Variants in EXOSC3 observed in about 807,000 individuals in gnomAD.
The protein encoded by EXOSC3 is exosome complex component RRP40.
EXOSC3 carries 18 observed loss-of-function variants against 25.1 expected under a neutral mutation model. That is an observed-to-expected ratio of 0.72 (90% confidence interval 0.50 to 1.06). The LOEUF is 1.06. EXOSC3 is among the 50% of genes least tolerant of loss of function. The pLI is 0.00. For missense variants in EXOSC3, 382 were observed against 350.9 expected (o/e 1.09, Z -0.71); for synonymous variants, 165 against 132.2 (o/e 1.25, Z -1.70).
At position 37,782,167 on chromosome 9, in the gene EXOSC3, C is replaced by T. The variant is rs945341886; in HGVS notation, c.475-30G>A. 5.0e-6 allele frequency: 8 copies of T among 1,611,716 alleles called. No individual in the cohort carries two copies. In the Admixed American group the frequency reaches 1.0e-4, roughly 20 times the overall value. ...AATGATATTAAAAACCAGTTCATTT[C>T]CTCTCAGCAAACTACAGGTGCTACT... On this transcript the variant is annotated intron_variant, in intron 2 of 3. Coordinates refer to ENST00000327304, the MANE Select transcript of EXOSC3 (RefSeq NM_016042.4).
chr9:37,782,204 C>G (rs1164429855), intron 2 of EXOSC3, 67 bp from the exon 3 acceptor site: 4 of 1,560,106 alleles, frequency 2.6e-6, no homozygotes, highest in Non-Finnish European at 3.5e-6. Flanking sequence ...TTGGTTCTTT[C>G]TCACAGGCAT....
rs28369461 is a variant in EXOSC3, at chr9:37,783,619, T to C, written c.474+295A>G. Among the ~76,000 whole-genome samples the C allele has an allele frequency of 0.022, 3,392 of 152,236 alleles. 122 individuals carry two copies. The highest frequency in any genetic ancestry group is 0.077 in the African/African-American group (3,208 of 41,518). On this transcript the variant is annotated intron_variant, in intron 2 of 3. Transcript: ENST00000327304. ...AGCAGACATCCTTGTCCAGAGGATA[T>C]GGACATAACAAATAATGGCGATGAT...
rs754877763 is a variant in EXOSC3, at chr9:37,785,036, T to C, written c.9A>G (p.Glu3=). 6 of 1,597,188 alleles carry C rather than the reference T, an allele frequency of 3.8e-6. No homozygotes were observed. The highest frequency in any genetic ancestry group is 1.1e-5 in the South Asian group (1 of 90,494). The change falls in exon 1 of 4, where the codon GAA becomes GAG. Residue 3 remains glutamate (E), a synonymous_variant. Coordinates refer to ENST00000327304, the MANE Select transcript of EXOSC3 (RefSeq NM_016042.4). The stretch of plus-strand genomic sequence containing the variant: ...GAGATTCAGCCGCGACAGACGCAGG[T>C]TCGGCCATCGCGGGCTCCACCAAAC... MA[E]PASVAAESLA... is the part of the protein sequence containing the mutation.
intron 2 of EXOSC3, among the ~76,000 whole-genome samples, 179 bp from the exon 3 acceptor site, chr9:37,782,316 G>A (rs1033554309): frequency 6.6e-6 from 1 of 152,204 alleles, no homozygotes; most frequent in African/African-American, 2.4e-5. Context: ...AGGAACACAT[G>A]TATCATTCCC....
intron 1 of EXOSC3, 199 bp from the exon 2 acceptor site, chr9:37,784,262 T>C (rs1310591446): frequency 3.5e-6 from 2 of 566,038 alleles, no homozygotes; most frequent in African/African-American, 1.9e-5. Context: ...CCAAACTCCA[T>C]TATCTCTTAG....
chr9:37,783,864 T>G (rs373502396), intron 2 of EXOSC3, 50 bp downstream of exon 2: 1 of 1,587,806 alleles, frequency 6.3e-7, no homozygotes, highest in Non-Finnish European at 8.6e-7. Flanking sequence ...ATGTGAGTGT[T>G]CTAGGGAATG....
chr9:37,780,952 T>G, intron 3 of EXOSC3, 72 bp from the exon 4 acceptor site: 2 of 1,329,604 alleles, frequency 1.5e-6, no homozygotes, highest in Non-Finnish European at 2.1e-6. Flanking sequence ...CTTTAGAATG[T>G]GATTCCTTTT....
intron 3 of EXOSC3, 133 bp downstream of exon 3, chr9:37,781,853 T>G (rs1564014162): frequency 1.0e-6 from 1 of 968,478 alleles, no homozygotes; most frequent in South Asian, 1.7e-5. Context: ...CCAAATGTGT[T>G]AAAATGGATA....
At position 37,785,024 on chromosome 9, in the gene EXOSC3, G is replaced by C. The variant is rs748194453; in HGVS notation, c.21C>G (p.Val7=). MAEPAS[V]AAESLAGSRA... ...TGCTGCCCGCGAGAGATTCAGCCGC[G>C]ACAGACGCAGGTTCGGCCATCGCGG... Residue 7 remains valine, a synonymous_variant, in exon 1 of 4, where the codon GTC becomes GTG. Coordinates refer to ENST00000327304, the MANE Select transcript of EXOSC3 (RefSeq NM_016042.4). 4 of 1,600,564 alleles carry C rather than the reference G, an allele frequency of 2.5e-6. No homozygotes were observed. Among genetic ancestry groups the C allele is most frequent in the Non-Finnish European group, 3.4e-6 (4 of 1,171,786 alleles).
rs1182643567 is a variant in EXOSC3 at position 37,784,053 on chromosome 9, A to T, written c.335T>A (p.Val112Glu). 1 of 1,608,032 alleles carries T rather than the reference A, an allele frequency of 6.2e-7. No homozygotes were observed. The highest frequency in any genetic ancestry group is 1.3e-5 in the African/African-American group (1 of 74,522). ...TATGCCAATCACATGGTCTCCTTTT[A>T]CTGGAACATACTACAAAAAGAAACA... The part of the protein sequence containing the change: ...VDSQQKRYVP[V>E]KGDHVIGIVT... Residue 112 changes from valine to glutamate, a missense_variant, in exon 2 of 4, where the codon GTA becomes GAA. Val to Glu is a moderately radical substitution (Grantham distance 121). Transcript: ENST00000327304.
At position 37,784,859 on chromosome 9, in the gene EXOSC3, C is replaced by G; in HGVS notation, c.186G>C (p.Arg62=). ...PLSLNARACS[R]VRVVCGPGLR... is the part of the protein sequence containing the mutation. The stretch of plus-strand genomic sequence containing the variant: ...GGCCCGGACCGCATACAACGCGCAC[C>G]CGCGAGCACGCTCTAGCATTCAGGC... Residue 62 remains arginine (R), a synonymous_variant, in exon 1 of 4, where the codon CGG becomes CGC. Transcript: ENST00000327304. The G allele has an allele frequency of 6.2e-7, 1 of 1,607,880 alleles. No individual in the cohort carries two copies. The highest frequency in any genetic ancestry group is 8.5e-7 in the Non-Finnish European group (1 of 1,177,344).
At position 37,784,736 on chromosome 9, in the gene EXOSC3, G is replaced by A; in HGVS notation, c.309C>T (p.Asp103=). The A allele has an allele frequency of 4.4e-6, 7 of 1,597,452 alleles. No homozygotes were observed. The highest frequency in any genetic ancestry group is 4.3e-6 in the Non-Finnish European group (5 of 1,175,648). Residue 103 remains aspartate (D), a synonymous_variant, in exon 1 of 4, where the codon GAC becomes GAT. Coordinates refer to ENST00000327304, the MANE Select transcript of EXOSC3 (RefSeq NM_016042.4). ...CCCAGCTCACCCGCTTCTGCTGAGA[G>A]TCCACCCAGTAAACACCGCCGCCGC... ...SGSGGGVYWV[D]SQQKRYVPVK...
chr9:37,781,837 G>T, intron 3 of EXOSC3, 149 bp downstream of exon 3: 1 of 812,850 alleles, frequency 1.2e-6, no homozygotes, highest in Non-Finnish European at 1.9e-6. Flanking sequence ...TTAAATTCAT[G>T]AGTTTCCAAA....
Position 37,782,018 on chromosome 9 carries a change from C to G in EXOSC3, c.594G>C (p.Leu198=), listed in dbSNP as rs754667929. The G allele has an allele frequency of 6.2e-7, 1 of 1,613,972 alleles. No individual in the cohort carries two copies. The highest frequency in any genetic ancestry group is 1.1e-5 in the South Asian group (1 of 91,060). ...NGMGVIGQDG[L]LFKVTLGLIR... is the part of the protein sequence containing the mutation. Reference sequence around the variant, plus strand: ...TTAAGCCCAGAGTCACTTTAAAAAGCAGACCATCCTGTCCAATGACACCCA... The same window carrying G: ...TTAAGCCCAGAGTCACTTTAAAAAGGAGACCATCCTGTCCAATGACACCCA... Residue 198 remains leucine (L), a synonymous_variant, in exon 3 of 4, where the codon CTG becomes CTC. Transcript: ENST00000327304.
At chr9:37,782,184 G>C (rs1428671727) in intron 2 of EXOSC3, 47 bp from the exon 3 acceptor site, 1 of 1,602,074 alleles carries the variant, frequency 6.2e-7, no homozygotes, top group Admixed American at 1.7e-5. Flanking sequence ...GCAAACTACA[G>C]GTGCTACTAT....
At position 37,781,071 on chromosome 9, in the gene EXOSC3, C is replaced by T. The variant is rs547846783; in HGVS notation, c.627-191G>A. 2.6e-5 allele frequency among the ~76,000 whole-genome samples: 4 copies of T among 152,220 alleles called. No individual in the cohort carries two copies. In the East Asian group the frequency reaches 7.7e-4, roughly 29 times the overall value. On this transcript the variant is annotated intron_variant, in intron 3 of 3. Transcript: ENST00000327304. ...CACTGTTCAAAGGTATACTAGAAAT[C>T]ACAGAGGTGGGCTATGCCTTACAAA...
intron 3 of EXOSC3, 143 bp downstream of exon 3, chr9:37,781,843 C>T (rs1219515425): frequency 2.3e-6 from 2 of 879,044 alleles, no homozygotes; most frequent in African/African-American, 3.4e-5. Context: ...TCATGAGTTT[C>T]CAAATGTGTT....
chr9:37,782,288 T>C (rs1212738625), intron 2 of EXOSC3, 151 bp from the exon 3 acceptor site: 12 of 762,528 alleles, frequency 1.6e-5, no homozygotes, highest in Admixed American at 3.0e-5. Context: ...ACTTTGGAGT[T>C]GAGTCTTGGG....
At chr9:37,784,488 A>C (rs1828661684) in intron 1 of EXOSC3, 1 of 590,604 alleles carries the variant, frequency 1.7e-6, no homozygotes, top group South Asian at 2.3e-5. Flanking sequence ...GAAGACTATA[A>C]TCATGACTCA....
Sources: gnomAD v4.1 joint callset for allele counts (sites outside exome capture counted in the v4.1 genomes callset) on GRCh38, gnomAD v4.1.1 for gene constraint, MANE v1.5 for transcripts, NCBI Gene and HGNC (gene_info 2026-07-23, HGNC 2026-07-21) for gene names.